XKR4: variants seen among roughly 807,000 people sequenced by gnomAD.
XKR4 encodes the protein XK-related protein 4.
A neutral mutation model predicts 53.9 loss-of-function variants in XKR4; 12 were observed. That is an observed-to-expected ratio of 0.22 (90% CI 0.14 to 0.36). XKR4 has a LOEUF of 0.36. XKR4 is among the 10% of genes least tolerant of loss of function. XKR4 has a pLI of 1.00. For synonymous variants in XKR4, 354 were observed against 362.4 expected (o/e 0.98, Z 0.26); for missense variants, 799 against 859.5 (o/e 0.93, Z 0.88).
chr8:55,301,886 T>C (rs1380835575), intron 1 of XKR4, among the ~76,000 whole-genome samples: 1 of 152,258 alleles, frequency 6.6e-6, no homozygotes, highest in Non-Finnish European at 1.5e-5. Context: ...TCGTAGATTC[T>C]GGATATTAGC....
chr8:55,132,826 C>G (rs1174607064), intron 1 of XKR4, among the ~76,000 whole-genome samples: 1 of 152,160 alleles, frequency 6.6e-6, no homozygotes, highest in Non-Finnish European at 1.5e-5. Context: ...GAATGGGCGT[C>G]CGAGGCCCAG....
chr8:55,536,567 T>C lies in XKR4; in HGVS notation c.*12340T>C, dbSNP rs1187701543. 1 of 147,236 alleles carries C rather than the reference T, an allele frequency of 6.8e-6. No homozygotes were observed. Among genetic ancestry groups the C allele is most frequent in the Non-Finnish European group, 1.5e-5 (1 of 65,950 alleles). The allele number at this position is 147,236 out of a possible 1,614,324, so 9.1% of individuals were successfully genotyped here. On this transcript the variant is annotated 3_prime_UTR_variant, in exon 3 of 3. Coordinates refer to ENST00000327381, the MANE Select transcript of XKR4 (RefSeq NM_052898.2). Reference sequence around the variant, plus strand: ...TGTTTGAATCATACAGTTTTCCGTCTGGGTGTCTGGTGTTTCTGGATAGAC... The same window carrying C: ...TGTTTGAATCATACAGTTTTCCGTCCGGGTGTCTGGTGTTTCTGGATAGAC...
intron 1 of XKR4, among the ~76,000 whole-genome samples, chr8:55,121,020 C>T (rs1382236099): frequency 6.6e-6 from 1 of 152,162 alleles, no homozygotes; most frequent in East Asian, 1.9e-4. Context: ...ATTTAGGATT[C>T]CTCCATATCT....
At chr8:55,176,282 A>G (rs2129359150) in intron 1 of XKR4, among the ~76,000 whole-genome samples, 1 of 152,370 alleles carries the variant, frequency 6.6e-6, no homozygotes, top group African/African-American at 2.4e-5. Flanking sequence ...GAGCACTGCG[A>G]CATGGATTAG....
chr8:55,486,171 G>A (rs1477648957), intron 2 of XKR4, among the ~76,000 whole-genome samples: 3 of 152,018 alleles, frequency 2.0e-5, no homozygotes, highest in Non-Finnish European at 4.4e-5. Context: ...AGGTATAAGT[G>A]CGCATCACTT....
intron 1 of XKR4, among the ~76,000 whole-genome samples, chr8:55,255,319 C>A (rs1268120296): frequency 6.6e-6 from 1 of 152,072 alleles, no homozygotes; most frequent in African/African-American, 2.4e-5. Flanking sequence ...ATAGAAAGTG[C>A]CTACAACAGT....
At chr8:55,296,767 G>T (rs917101684) in intron 1 of XKR4, among the ~76,000 whole-genome samples, 2 of 152,110 alleles carry the variant, frequency 1.3e-5, no homozygotes, top group Non-Finnish European at 1.5e-5. Flanking sequence ...GAGAAGTCAA[G>T]CAGGACTGCT....
At chr8:55,394,734 G>A (rs1001267900) in intron 2 of XKR4, among the ~76,000 whole-genome samples, 5 of 152,246 alleles carry the variant, frequency 3.3e-5, no homozygotes, top group African/African-American at 9.6e-5. Context: ...TCTAGGAGGA[G>A]CTACCATGAC....
chr8:55,103,077 G>T lies in XKR4; in HGVS notation c.589G>T (p.Gly197Cys), dbSNP rs775874558. ...QPGADCKTVV[G>C]GGSAAGEGEA... ...TGGAGCCGATTGCAAGACGGTGGTC[G>T]GCGGTGGGTCTGCAGCCGGGGAAGG... The change falls in exon 1 of 3, where the codon GGC (glycine) becomes TGC (cysteine). Residue 197 changes from glycine (G) to cysteine (C), a missense_variant. Gly to Cys is a radical substitution (Grantham distance 159). Coordinates refer to ENST00000327381, the MANE Select transcript of XKR4 (RefSeq NM_052898.2). 2 of 1,612,834 alleles carry T rather than the reference G, an allele frequency of 1.2e-6. No individual in the cohort carries two copies. Among genetic ancestry groups the T allele is most frequent in the East Asian group, 4.5e-5 (2 of 44,860 alleles).
At chr8:55,391,042 T>C (rs961534219) in intron 2 of XKR4, among the ~76,000 whole-genome samples, 3 of 152,150 alleles carry the variant, frequency 2.0e-5, no homozygotes, top group African/African-American at 7.2e-5. Flanking sequence ...AAAAAAATGG[T>C]TTGCATTCCT....
chr8:55,416,500 A>G (rs1804847728), intron 2 of XKR4, among the ~76,000 whole-genome samples: 1 of 152,176 alleles, frequency 6.6e-6, no homozygotes, highest in African/African-American at 2.4e-5. Flanking sequence ...CTGGCCAGAT[A>G]TTACTTGGCT....
chr8:55,460,969 A>G (rs541478812), intron 2 of XKR4, among the ~76,000 whole-genome samples: 18 of 152,356 alleles, frequency 1.2e-4, no homozygotes, highest in Admixed American at 9.8e-4. Context: ...GAGTAGGTAA[A>G]CAAAGTGGCC....
chr8:55,165,737 G>A (rs112745200), intron 1 of XKR4, among the ~76,000 whole-genome samples: 47 of 151,018 alleles, frequency 3.1e-4, no homozygotes, highest in African/African-American at 1.1e-3. Flanking sequence ...TCCGGGAGGC[G>A]GAGCTTGCAG....
intron 2 of XKR4, among the ~76,000 whole-genome samples, chr8:55,501,035 G>A (rs1806428841): frequency 6.6e-6 from 1 of 152,166 alleles, no homozygotes; most frequent in Non-Finnish European, 1.5e-5. Flanking sequence ...CTGGAGCCCT[G>A]GCAGGTAATC....
intron 1 of XKR4, among the ~76,000 whole-genome samples, chr8:55,266,895 G>C (rs1320156694): frequency 6.6e-6 from 1 of 152,176 alleles, no homozygotes; most frequent in Non-Finnish European, 1.5e-5. Context: ...GGGATAGAGT[G>C]CATGTTATGT....
At chr8:55,198,016 T>C (rs1817528220) in intron 1 of XKR4, among the ~76,000 whole-genome samples, 1 of 152,178 alleles carries the variant, frequency 6.6e-6, no homozygotes, top group African/African-American at 2.4e-5. Context: ...CCAAGTAAAA[T>C]GTTTTAATGA....
intron 1 of XKR4, among the ~76,000 whole-genome samples, chr8:55,259,235 T>A (rs1818482756): frequency 6.6e-6 from 1 of 152,242 alleles, no homozygotes; most frequent in Non-Finnish European, 1.5e-5. Flanking sequence ...GGGTTCAGGT[T>A]GTTCTTGAGA....
At chr8:55,400,795 C>A (rs115273978) in intron 2 of XKR4, among the ~76,000 whole-genome samples, 4 of 152,192 alleles carry the variant, frequency 2.6e-5, no homozygotes, top group Non-Finnish European at 5.9e-5. Context: ...TCGTGCCTTG[C>A]CTTCCCTCTT....
chr8:55,215,001 A>G (rs1817781033), intron 1 of XKR4, among the ~76,000 whole-genome samples: 1 of 151,920 alleles, frequency 6.6e-6, no homozygotes, highest in Non-Finnish European at 1.5e-5. Flanking sequence ...CCATCAGTTC[A>G]TATTTCCTAT....
Sources: gnomAD v4.1 joint callset for allele counts (sites outside exome capture counted in the v4.1 genomes callset) on GRCh38, gnomAD v4.1.1 for gene constraint, MANE v1.5 for transcripts, NCBI Gene and HGNC (gene_info 2026-07-23, HGNC 2026-07-21) for gene names.